PIEZO2: variants seen among roughly 807,000 people sequenced by gnomAD.
PIEZO2 encodes the protein piezo type mechanosensitive ion channel component 2.
Under a neutral mutation model 337.3 loss-of-function variants are expected in PIEZO2, and 172 were observed. The ratio of observed to expected loss-of-function variants is 0.51; its 90% confidence interval spans 0.45 to 0.58. The LOEUF is 0.58. Ranked by LOEUF, PIEZO2 falls within the 20% of genes least tolerant of loss-of-function variation. PIEZO2 has a pLI of 0.00. For missense variants in PIEZO2, 3,028 were observed against 3,391.3 expected (o/e 0.89, Z 2.66); for synonymous variants, 1,251 against 1,228.5 (o/e 1.02, Z -0.38).
chr18:10,759,424 A>C lies in PIEZO2; in HGVS notation c.3757+58T>G. On this transcript the variant is annotated intron_variant, in intron 26 of 55. Transcript: ENST00000674853. The surrounding 1 kb of genome is among the most constrained non-coding windows in gnomAD (Gnocchi z 5.5). ...GGCACTAATGCATAGCACGTGAACA[A>C]TGATTAACAGTAAACCCGGATACCA... 7.1e-7 allele frequency: 1 copy of C among 1,408,624 alleles called. No homozygotes were observed. Among genetic ancestry groups the C allele is most frequent in the South Asian group, 1.2e-5 (1 of 81,178 alleles). The allele number at this position is 1,408,624 out of a possible 1,614,324, so 87.3% of individuals were successfully genotyped here. A position where few individuals can be genotyped will look rare whatever the true frequency, so the allele number is the denominator to read the frequency against.
intron 3 of PIEZO2, among the ~76,000 whole-genome samples, chr18:10,947,854 A>G (rs747118449): frequency 2.0e-5 from 3 of 152,226 alleles, no homozygotes; most frequent in Admixed American, 6.5e-5. Flanking sequence ...ATACTATTGC[A>G]AAGTTCATAA....
rs517749 is a variant in PIEZO2 at position 10,724,719 on chromosome 18, T to C, written c.5030-6460A>G. On this transcript the variant is annotated intron_variant, in intron 36 of 55. Coordinates refer to ENST00000674853, the MANE Select transcript of PIEZO2 (RefSeq NM_001378183.1). This position sits in a 1 kb window ranked among gnomAD's most constrained non-coding sequence, Gnocchi z 5.8. ...ATAGGCTGAAGCACTCAGACCGAGA[T>C]GGGCCACCACTGTACCCCTGGTCTC... is the stretch of plus-strand genomic sequence containing the variant. 113,961 of 1,422,604 alleles carry C rather than the reference T, an allele frequency of 0.08. 7,443 individuals are homozygous for C. Among genetic ancestry groups the C allele is most frequent in the East Asian group, 0.29 (12,757 of 43,366 alleles). The allele number at this position is 1,422,604 out of a possible 1,614,324, so 88.1% of individuals were successfully genotyped here. A position where few individuals can be genotyped will look rare whatever the true frequency, so the allele number is the denominator to read the frequency against.
Position 10,673,050 on chromosome 18 carries a change from G to A in PIEZO2, c.8162-177C>T, listed in dbSNP as rs1307206871. Among the ~76,000 whole-genome samples the A allele has an allele frequency of 6.6e-6, 1 of 152,174 alleles. No homozygotes were observed. The highest frequency in any genetic ancestry group is 1.5e-5 in the Non-Finnish European group (1 of 68,028). ...GCAAGGAAGAGAGGGCCCTGGGTAT[G>A]TAAGTGATTTTTCCTTTTCAGTGAG... On this transcript the variant is annotated intron_variant, in intron 54 of 55. Coordinates refer to ENST00000674853, the MANE Select transcript of PIEZO2 (RefSeq NM_001378183.1). The surrounding 1 kb of genome is among the most constrained non-coding windows in gnomAD (Gnocchi z 4.8).
chr18:11,006,124 A>G (rs1177809383), intron 2 of PIEZO2, among the ~76,000 whole-genome samples: 1 of 152,196 alleles, frequency 6.6e-6, no homozygotes, highest in Admixed American at 6.5e-5. Context: ...CGGTCATCCA[A>G]GCTAAAATGC....
At position 10,715,677 on chromosome 18, in the gene PIEZO2, T is replaced by A; in HGVS notation, c.5229A>T (p.Arg1743=). The part of the protein sequence containing the change: ...IDISTVLRIE[R]CMLTREIKKG... ...TCTTAATTTCTCTGGTCAGCATGCA[T>A]CGTTCAATTCTCAGAACTGTAGATA... The change falls in exon 38 of 56, where the codon CGA becomes CGT. Residue 1743 remains arginine, a synonymous_variant. Transcript: ENST00000674853. 2 of 1,535,510 alleles carry A rather than the reference T, an allele frequency of 1.3e-6. No individual in the cohort carries two copies. The highest frequency in any genetic ancestry group is 1.7e-6 in the Non-Finnish European group (2 of 1,146,312).
rs1055332430 is a variant in PIEZO2 at position 10,775,571 on chromosome 18, C to T, written c.2535-1533G>A. Among the ~76,000 whole-genome samples, 8 of 152,196 alleles carry T rather than the reference C, an allele frequency of 5.3e-5. No homozygotes were observed. The highest frequency in any genetic ancestry group is 1.2e-4 in the Non-Finnish European group (8 of 68,038). ...ACTTTCTAACAATTACTGCTATTAA[C>T]AGAGTGAAACTCAAAGAGGGGAGGC... On this transcript the variant is annotated intron_variant, in intron 18 of 55. Transcript: ENST00000674853. The surrounding 1 kb of genome is among the most constrained non-coding windows in gnomAD (Gnocchi z 4.3).
chr18:10,955,612 T>C (rs889316072), intron 3 of PIEZO2, among the ~76,000 whole-genome samples: 1 of 152,216 alleles, frequency 6.6e-6, no homozygotes, highest in East Asian at 1.9e-4. Flanking sequence ...AGGAGCCCTG[T>C]GTATGAGAAG....
chr18:10,934,237 T>C (rs2032250293), intron 3 of PIEZO2, among the ~76,000 whole-genome samples: 1 of 152,222 alleles, frequency 6.6e-6, no homozygotes, highest in Admixed American at 6.5e-5. Context: ...CTAAAAACTA[T>C]GGAGGTAGTG....
Position 11,110,677 on chromosome 18 carries a change from C to G in PIEZO2, c.64+37848G>C, listed in dbSNP as rs1243391404. On this transcript the variant is annotated intron_variant, in intron 1 of 55. Transcript: ENST00000674853. This position sits in a 1 kb window ranked among gnomAD's most constrained non-coding sequence, Gnocchi z 4.2. ...GTCAGTGGCCTCTGATGCGATGCCT[C>G]GTCATCCTTTCCGCCCCTCCCCGCC... Among the ~76,000 whole-genome samples, 1 of 152,214 alleles carries G rather than the reference C, an allele frequency of 6.6e-6. No individual in the cohort carries two copies. The highest frequency in any genetic ancestry group is 1.5e-5 in the Non-Finnish European group (1 of 68,030).
In PIEZO2 at chr18:10,988,187, G is replaced by T. The variant is rs571258003; in HGVS notation, c.161-8527C>A. Among the ~76,000 whole-genome samples the T allele has an allele frequency of 6.6e-6, 1 of 152,246 alleles. No homozygotes were observed. Among genetic ancestry groups the T allele is most frequent in the South Asian group, 2.1e-4 (1 of 4,828 alleles). On this transcript the variant is annotated intron_variant, in intron 2 of 55. Transcript: ENST00000674853. The surrounding 1 kb of genome is among the most constrained non-coding windows in gnomAD (Gnocchi z 4.8). ...CCCGTTCAGCCATTTTGCCATGTGA[G>T]GACACAGTGTCCATCCCCTCTGGAG...
In PIEZO2 at chr18:10,859,811, T is replaced by C; in HGVS notation, c.493-2600A>G. Among the ~76,000 whole-genome samples the C allele has an allele frequency of 6.6e-6, 1 of 152,178 alleles. No individual in the cohort carries two copies. Among genetic ancestry groups the C allele is most frequent in the East Asian group, 1.9e-4 (1 of 5,190 alleles). On this transcript the variant is annotated intron_variant, in intron 5 of 55. Coordinates refer to ENST00000674853, the MANE Select transcript of PIEZO2 (RefSeq NM_001378183.1). The surrounding 1 kb of genome is among the most constrained non-coding windows in gnomAD (Gnocchi z 4.9). ...GATTTGCTTTGCCACATAACTCTAGTTGCTCCTGGGGCGGAGCAGAGGGAG... is the reference window on the plus strand; with the variant it reads ...GATTTGCTTTGCCACATAACTCTAGCTGCTCCTGGGGCGGAGCAGAGGGAG...
Position 10,726,600 on chromosome 18 carries a change from C to G in PIEZO2, c.5029+4807G>C. The G allele has an allele frequency of 7.4e-7, 1 of 1,358,172 alleles. No individual in the cohort carries two copies. Among genetic ancestry groups the G allele is most frequent in the Non-Finnish European group, 9.7e-7 (1 of 1,032,330 alleles). 84.1% of individuals were successfully genotyped at this position (1,358,172 alleles called of 1,614,324 possible). A position where few individuals can be genotyped will look rare whatever the true frequency, so the allele number is the denominator to read the frequency against. On this transcript the variant is annotated intron_variant, in intron 36 of 55. Coordinates refer to ENST00000674853, the MANE Select transcript of PIEZO2 (RefSeq NM_001378183.1). This position sits in a 1 kb window ranked among gnomAD's most constrained non-coding sequence, Gnocchi z 5.9. ...GCCAGCTCTTCCAGGACCTGGCGCG[C>G]TACGTGCGGGACGCCGACGTGCGCT...
chr18:11,029,928 C>T (rs2036671897), intron 2 of PIEZO2, among the ~76,000 whole-genome samples: 1 of 152,164 alleles, frequency 6.6e-6, no homozygotes, highest in South Asian at 2.1e-4. Flanking sequence ...CTGCGTTCCC[C>T]ACTGAACTGC....
intron 2 of PIEZO2, among the ~76,000 whole-genome samples, chr18:11,036,367 T>C (rs922349848): frequency 6.6e-6 from 1 of 152,168 alleles, no homozygotes. Context: ...CTCTGAATTC[T>C]GTACATAACT....
rs1464953000 is a variant in PIEZO2 at position 11,031,278 on chromosome 18, C to T, written c.160+34849G>A. On this transcript the variant is annotated intron_variant, in intron 2 of 55. Transcript: ENST00000674853. This position sits in a 1 kb window ranked among gnomAD's most constrained non-coding sequence, Gnocchi z 4.7. ...CCTCCCAAAGTGCTGGGATTACAGGCGTGAGCCACTGCGCCTGGCCTGGAA... is the reference window on the plus strand; with the variant it reads ...CCTCCCAAAGTGCTGGGATTACAGGTGTGAGCCACTGCGCCTGGCCTGGAA... Among the ~76,000 whole-genome samples, 3 of 151,768 alleles carry T rather than the reference C, an allele frequency of 2.0e-5. No homozygotes were observed. Among genetic ancestry groups the T allele is most frequent in the African/African-American group, 4.8e-5 (2 of 41,276 alleles).
At chr18:11,059,873 C>A (rs1024445738) in intron 2 of PIEZO2, among the ~76,000 whole-genome samples, 1 of 152,126 alleles carries the variant, frequency 6.6e-6, no homozygotes, top group Non-Finnish European at 1.5e-5. Context: ...ACAAGGATAT[C>A]CAGGAATTGA....
At chr18:10,708,013 T>G (rs920598572) in intron 40 of PIEZO2, among the ~76,000 whole-genome samples, 1 of 152,084 alleles carries the variant, frequency 6.6e-6, no homozygotes, top group Non-Finnish European at 1.5e-5. Context: ...ACTGAAAACA[T>G]GGAGGAGAAT....
intron 4 of PIEZO2, among the ~76,000 whole-genome samples, chr18:10,901,144 G>C (rs1205641166): frequency 1.3e-5 from 2 of 152,190 alleles, no homozygotes; most frequent in African/African-American, 4.8e-5. Context: ...ATGGTGGTGG[G>C]CTGAGGAAGA....
intron 39 of PIEZO2, among the ~76,000 whole-genome samples, chr18:10,710,878 T>C (rs1455240636): frequency 1.3e-5 from 2 of 152,238 alleles, no homozygotes; most frequent in Non-Finnish European, 2.9e-5. Flanking sequence ...TACAGCTCAC[T>C]GCAGAAAAGG....
Sources: gnomAD v4.1 joint callset for allele counts (sites outside exome capture counted in the v4.1 genomes callset) on GRCh38, gnomAD v4.1.1 for gene constraint, Gnocchi (gnomAD v3.1) non-coding constraint, MANE v1.5 for transcripts, NCBI Gene and HGNC (gene_info 2026-07-23, HGNC 2026-07-21) for gene names.